Variants in AGBL4 observed in about 807,000 individuals in gnomAD.
AGBL4 encodes the protein AGBL carboxypeptidase 4.
AGBL4 carries 58 observed loss-of-function variants against 66.4 expected under a neutral mutation model. The observed-to-expected ratio is 0.87, with a 90% CI of 0.71 to 1.09. The LOEUF (loss-of-function observed/expected upper bound fraction) is 1.09, where lower values mean the gene tolerates loss of function less well. AGBL4 is among the 50% of genes least tolerant of loss of function. The pLI is 0.00. For missense variants in AGBL4, 579 were observed against 631.0 expected (o/e 0.92, Z 0.88); for synonymous variants, 234 against 222.9 (o/e 1.05, Z -0.44).
At chr1:48,701,663 T>C (rs1245872977) in intron 6 of AGBL4, among the ~76,000 whole-genome samples, 3 of 152,196 alleles carry the variant, frequency 2.0e-5, no homozygotes, top group Non-Finnish European at 4.4e-5. Context: ...AAATTGTTAA[T>C]GTATAATACA....
intron 3 of AGBL4, among the ~76,000 whole-genome samples, chr1:49,400,900 G>C (rs945016461): frequency 6.6e-6 from 1 of 152,094 alleles, no homozygotes; most frequent in Non-Finnish European, 1.5e-5. Flanking sequence ...CAAATGTAGA[G>C]GAAAAGCTTT....
chr1:49,179,036 C>T lies in AGBL4; in HGVS notation c.377+66734G>A, dbSNP rs367980108. On this transcript the variant is annotated intron_variant, in intron 4 of 13. Transcript: ENST00000371839. ...ACTATCCAGTCATCTTATGCTAGTA[C>T]AACTCGCTTATGCTTTTTTAATTTT... 1.1e-3 allele frequency among the ~76,000 whole-genome samples: 162 copies of T among 152,298 alleles called. 1 individual carries two copies. Among genetic ancestry groups the T allele is most frequent in the African/African-American group, 3.8e-3 (156 of 41,572 alleles).
intron 1 of AGBL4, among the ~76,000 whole-genome samples, chr1:49,930,660 C>A (rs1254209542): frequency 6.6e-6 from 1 of 151,974 alleles, no homozygotes; most frequent in Non-Finnish European, 1.5e-5. Flanking sequence ...AATTAACATA[C>A]CAAAAACATG....
Position 49,697,457 on chromosome 1 carries a change from G to C in AGBL4, c.158-20C>G, listed in dbSNP as rs1330426175. ...GGTTACCTGGTAATAAAAATTAAGA[G>C]AATTGGATTTTAATAGAAGTTCATG... On this transcript the variant is annotated intron_variant, in intron 2 of 13. Coordinates refer to ENST00000371839, the MANE Select transcript of AGBL4 (RefSeq NM_032785.4). 6.7e-7 allele frequency: 1 copy of C among 1,489,124 alleles called. No individual in the cohort carries two copies. The highest frequency in any genetic ancestry group is 9.1e-7 in the Non-Finnish European group (1 of 1,101,022). 92.2% of individuals were successfully genotyped at this position (1,489,124 alleles called of 1,614,324 possible).
intron 5 of AGBL4, among the ~76,000 whole-genome samples, chr1:48,896,612 T>A (rs1651534008): frequency 6.6e-6 from 1 of 152,196 alleles, no homozygotes; most frequent in Non-Finnish European, 1.5e-5. Flanking sequence ...AACTCAGACC[T>A]GAGATTTCAC....
At chr1:49,565,892 G>A (rs555048654) in intron 3 of AGBL4, among the ~76,000 whole-genome samples, 1 of 152,308 alleles carries the variant, frequency 6.6e-6, no homozygotes, top group East Asian at 1.9e-4. Flanking sequence ...ATCCTGCAGA[G>A]TGTTTTCCAA....
At chr1:48,802,734 C>T (rs1299876678) in intron 6 of AGBL4, among the ~76,000 whole-genome samples, 2 of 152,204 alleles carry the variant, frequency 1.3e-5, no homozygotes, top group Non-Finnish European at 2.9e-5. Flanking sequence ...TATCCAGAGC[C>T]TGTCTCTAGG....
intron 3 of AGBL4, among the ~76,000 whole-genome samples, chr1:49,433,360 A>G (rs1645828961): frequency 6.6e-6 from 1 of 152,166 alleles, no homozygotes; most frequent in Non-Finnish European, 1.5e-5. Flanking sequence ...ATCTGACACT[A>G]TCTCTGATAC....
At chr1:48,625,178 T>A (rs990741933) in intron 9 of AGBL4, among the ~76,000 whole-genome samples, 1 of 151,602 alleles carries the variant, frequency 6.6e-6, no homozygotes, top group Non-Finnish European at 1.5e-5. Context: ...TCTTTCTTTT[T>A]CTGTCTCTGT....
chr1:48,867,369 A>G, intron 5 of AGBL4, 139 bp from the exon 6 acceptor site: 1 of 866,676 alleles, frequency 1.2e-6, no homozygotes, highest in Admixed American at 2.0e-5. Flanking sequence ...CTCACTTCCA[A>G]TTCTGCAGAG....
rs139680882 is a variant in AGBL4, at chr1:49,659,670, C to T, written c.282+37643G>A. Among the ~76,000 whole-genome samples the T allele has an allele frequency of 3.4e-3, 514 of 152,184 alleles. 5 individuals carry two copies. The highest frequency in any genetic ancestry group is 0.012 in the African/African-American group (493 of 41,532). On this transcript the variant is annotated intron_variant, in intron 3 of 13. Coordinates refer to ENST00000371839, the MANE Select transcript of AGBL4 (RefSeq NM_032785.4). ...AGACCTACAAAGAGACTTAGACTCA[C>T]GCACAACAATGCACCCAGTGTCAAT...
At chr1:48,980,541 T>C (rs992917060) in intron 5 of AGBL4, among the ~76,000 whole-genome samples, 1 of 151,450 alleles carries the variant, frequency 6.6e-6, no homozygotes, top group African/African-American at 2.4e-5. Context: ...TTTAAAAATA[T>C]GGAGACACTT....
intron 4 of AGBL4, among the ~76,000 whole-genome samples, chr1:49,080,047 T>A (rs993369002): frequency 3.9e-5 from 6 of 152,222 alleles, no homozygotes; most frequent in Non-Finnish European, 7.3e-5. Flanking sequence ...GTATTTAATA[T>A]TCTTAACTAC....
At chr1:48,947,617 A>G (rs1656621680) in intron 5 of AGBL4, among the ~76,000 whole-genome samples, 1 of 152,200 alleles carries the variant, frequency 6.6e-6, no homozygotes, top group Non-Finnish European at 1.5e-5. Context: ...TGTAAAATGA[A>G]AGAAAAAGAA....
chr1:48,818,154 G>T (rs1380941431), intron 6 of AGBL4: 1 of 715,366 alleles, frequency 1.4e-6, no homozygotes. Flanking sequence ...ATTCATATCT[G>T]ATAGTCAAAT....
chr1:49,282,663 C>T (rs940232279), intron 3 of AGBL4, among the ~76,000 whole-genome samples: 3 of 152,278 alleles, frequency 2.0e-5, no homozygotes, highest in South Asian at 2.1e-4. Flanking sequence ...AGTAGGTGCT[C>T]GCACCGTGCG....
chr1:49,611,312 C>G (rs1233183982), intron 3 of AGBL4, among the ~76,000 whole-genome samples: 1 of 147,458 alleles, frequency 6.8e-6, no homozygotes, highest in Non-Finnish European at 1.5e-5. Flanking sequence ...TCTAGAGGGA[C>G]AAATGGAAAA....
intron 1 of AGBL4, among the ~76,000 whole-genome samples, chr1:49,950,900 C>T (rs1001187941): frequency 4.0e-5 from 6 of 151,524 alleles, no homozygotes; most frequent in Non-Finnish European, 7.4e-5. Flanking sequence ...TACTATTTAC[C>T]CTTTAAAAAG....
intron 5 of AGBL4, among the ~76,000 whole-genome samples, chr1:49,004,774 A>G (rs1222212804): frequency 6.6e-6 from 1 of 152,228 alleles, no homozygotes. Context: ...CTGAACCATG[A>G]GTAGAAATTC....
Sources: gnomAD v4.1 joint callset for allele counts (sites outside exome capture counted in the v4.1 genomes callset) on GRCh38, gnomAD v4.1.1 for gene constraint, MANE v1.5 for transcripts, NCBI Gene and HGNC (gene_info 2026-07-23, HGNC 2026-07-21) for gene names.